Variants in VRTN observed in about 807,000 individuals in gnomAD.
The protein encoded by VRTN is vertnin.
VRTN carries 5 observed loss-of-function variants against 18.2 expected under a neutral mutation model. That is an observed-to-expected ratio of 0.27 (90% CI 0.14 to 0.58). The LOEUF is 0.58. VRTN is among the 20% of genes least tolerant of loss of function. The pLI, the probability that VRTN is intolerant of heterozygous loss-of-function variation, is 0.91. For missense variants in VRTN, 741 were observed against 939.4 expected (o/e 0.79, Z 2.76); for synonymous variants, 381 against 393.7 (o/e 0.97, Z 0.38).
At position 74,359,085 on chromosome 14, in the gene VRTN, C is replaced by T. The variant is rs1271014317; in HGVS notation, c.*193C>T. The T allele has an allele frequency of 1.2e-5, 13 of 1,092,544 alleles. 1 individual carries two copies. Among genetic ancestry groups the T allele is most frequent in the Middle Eastern group, 3.3e-4 (1 of 3,056 alleles). The allele number at this position is 1,092,544 out of a possible 1,614,324, so 67.7% of individuals were successfully genotyped here. On this transcript the variant is annotated 3_prime_UTR_variant, in exon 2 of 2. Coordinates refer to ENST00000256362, the MANE Select transcript of VRTN (RefSeq NM_018228.3). ...GCCAGAAATCAGCCATCTGGTCTCC[C>T]GTAGGAAACTGTGGGACCAGAGATA...
At chr14:74,332,445 C>T (rs1397199444) in intron 1 of VRTN, among the ~76,000 whole-genome samples, 1 of 143,642 alleles carries the variant, frequency 7.0e-6, no homozygotes, top group Non-Finnish European at 1.5e-5. Context: ...ACTTCCGCCT[C>T]CCGGGTTCAA....
intron 1 of VRTN, among the ~76,000 whole-genome samples, chr14:74,349,168 C>G (rs1198917242): frequency 6.6e-6 from 1 of 152,216 alleles, no homozygotes; most frequent in East Asian, 1.9e-4. Flanking sequence ...AGGCCCACCC[C>G]TGTGACCCAA....
At chr14:74,346,242 C>T (rs1595173183), upstream of VRTN, among the ~76,000 whole-genome samples, 1 of 152,054 alleles carries the variant, frequency 6.6e-6, no homozygotes, top group Non-Finnish European at 1.5e-5. Context: ...TTTGAGGCTG[C>T]AGTGAGCTAT....
At chr14:74,306,163 T>TAAAAATATAC in intron 1 of VRTN, 2 of 69,038 alleles carry the variant, frequency 2.9e-5, no homozygotes, top group African/African-American at 1.5e-4. Context: ...TATATATATA[T>TAAAAATATAC]ATATATATAT....
intron 1 of VRTN, among the ~76,000 whole-genome samples, chr14:74,327,947 C>G (rs1021987034): frequency 6.6e-6 from 1 of 152,110 alleles, no homozygotes; most frequent in Non-Finnish European, 1.5e-5. Context: ...TCGCGAACCC[C>G]TGAGGTCAGA....
chr14:74,322,460 C>A (rs1483868096), intron 1 of VRTN, among the ~76,000 whole-genome samples: 2 of 152,202 alleles, frequency 1.3e-5, no homozygotes, highest in Middle Eastern at 3.4e-3. Context: ...TATTTAAATT[C>A]ATTTCTTATT....
At chr14:74,349,759 C>A (rs1419319640) in intron 1 of VRTN, among the ~76,000 whole-genome samples, 2 of 152,154 alleles carry the variant, frequency 1.3e-5, no homozygotes, top group Non-Finnish European at 2.9e-5. Context: ...AGCGGGGAGG[C>A]TGACCTTGGT....
At position 74,355,741 on chromosome 14, in the gene VRTN, A is replaced by G. The variant is rs192588588; in HGVS notation, c.-1-1042A>G. Among the ~76,000 whole-genome samples the G allele has an allele frequency of 1.3e-4, 20 of 150,950 alleles. No homozygotes were observed. The East Asian group carries it at 2.7e-3, about 21-fold the overall frequency. On this transcript the variant is annotated intron_variant, in intron 1 of 1. Coordinates refer to ENST00000256362, the MANE Select transcript of VRTN (RefSeq NM_018228.3). ...TTTTTAGTAGCAATGGGGTTTCACT[A>G]TGTTGGCCAGGCTGGCCTCAAACTC... is the stretch of plus-strand genomic sequence containing the variant.
chr14:74,336,865 C>T (rs898006747), intron 1 of VRTN, among the ~76,000 whole-genome samples: 1 of 152,040 alleles, frequency 6.6e-6, no homozygotes, highest in Non-Finnish European at 1.5e-5. Flanking sequence ...CTCTTTTTCT[C>T]CTCTTTTCTT....
chr14:74,342,921 G>A (rs566378836), intron 2 of VRTN, among the ~76,000 whole-genome samples: 3 of 151,660 alleles, frequency 2.0e-5, no homozygotes, highest in Non-Finnish European at 4.4e-5. Flanking sequence ...CAGTCTAAAA[G>A]GCTCTTACAT....
At chr14:74,313,494 C>T in intron 1 of VRTN, among the ~76,000 whole-genome samples, 1 of 152,178 alleles carries the variant, frequency 6.6e-6, no homozygotes, top group East Asian at 1.9e-4. Context: ...AAAATGTCTG[C>T]AGTGTAGCTG....
chr14:74,319,828 G>C (rs1234156059), intron 1 of VRTN, among the ~76,000 whole-genome samples: 2 of 152,208 alleles, frequency 1.3e-5, no homozygotes, highest in Non-Finnish European at 2.9e-5. Flanking sequence ...TCAGAGGACT[G>C]TGCCTTTTGG....
intron 1 of VRTN, among the ~76,000 whole-genome samples, chr14:74,354,948 C>T (rs1595176235): frequency 6.6e-6 from 1 of 151,830 alleles, no homozygotes; most frequent in East Asian, 1.9e-4. Context: ...TTGAGACCAG[C>T]CTGGCCAACA....
At position 74,358,926 on chromosome 14, in the gene VRTN, G is replaced by A. The variant is rs1468751700; in HGVS notation, c.*34G>A. ...TACAAAAGGGGCTGGGAAGAAGGGGGACCAGTTTGGAGAGGGTCAGGGACC... is the reference window on the plus strand; with the variant it reads ...TACAAAAGGGGCTGGGAAGAAGGGGAACCAGTTTGGAGAGGGTCAGGGACC... On this transcript the variant is annotated 3_prime_UTR_variant, in exon 2 of 2. Coordinates refer to ENST00000256362, the MANE Select transcript of VRTN (RefSeq NM_018228.3). This position sits in a 1 kb window ranked among gnomAD's most constrained non-coding sequence, Gnocchi z 5.4. 10 of 1,575,864 alleles carry A rather than the reference G, an allele frequency of 6.3e-6. No homozygotes were observed. The highest frequency in any genetic ancestry group is 8.6e-6 in the Non-Finnish European group (10 of 1,160,446).
chr14:74,357,227 G>GC lies in VRTN; in HGVS notation c.450dup (p.Ala151ArgfsTer99). ...AGGAGTCCCCTGAGATGACCAGCTT[G>GC]CCCCCCGCCACGCTGGAGGCCATCT... is the stretch of plus-strand genomic sequence containing the variant. On this transcript the variant is annotated frameshift_variant, in exon 2 of 2. Coordinates refer to ENST00000256362, the MANE Select transcript of VRTN (RefSeq NM_018228.3). LOFTEE classifies it high-confidence loss of function. This position sits in a 1 kb window ranked among gnomAD's most constrained non-coding sequence, Gnocchi z 7.8. 1 of 1,612,832 alleles carries GC rather than the reference G, an allele frequency of 6.2e-7. No homozygotes were observed. The highest frequency in any genetic ancestry group is 8.5e-7 in the Non-Finnish European group (1 of 1,179,820).
At chr14:74,341,865 T>A (rs1261296738) in intron 2 of VRTN, among the ~76,000 whole-genome samples, 3 of 152,190 alleles carry the variant, frequency 2.0e-5, no homozygotes, top group African/African-American at 7.2e-5. Context: ...CCTCTGCTTC[T>A]GAAATCTGAA....
At chr14:74,353,408 A>G (rs2140212783) in intron 1 of VRTN, among the ~76,000 whole-genome samples, 1 of 152,306 alleles carries the variant, frequency 6.6e-6, no homozygotes, top group South Asian at 2.1e-4. Context: ...GGTAGTACTT[A>G]AAGTATTAGT....
At position 74,307,602 on chromosome 14, in the gene VRTN, A is replaced by G. The variant is rs137876502; in HGVS notation, c.-164+4426A>G. Among the ~76,000 whole-genome samples, 412 of 152,374 alleles carry G rather than the reference A, an allele frequency of 2.7e-3. 1 individual carries two copies. The highest frequency in any genetic ancestry group is 9.3e-3 in the African/African-American group (387 of 41,594). ...CTTGATGTAAAATGTGATCTCAACT[A>G]TGAAAATATATATAGATGTAAATAT... On this transcript the variant is annotated intron_variant, in intron 1 of 2. Transcript: ENST00000557177.
At chr14:74,343,964 T>A (rs2085625040), upstream of VRTN, among the ~76,000 whole-genome samples, 1 of 151,390 alleles carries the variant, frequency 6.6e-6, no homozygotes, top group Admixed American at 6.6e-5. Context: ...CCCGGCTTAT[T>A]TTTTTGTATT....
Sources: gnomAD v4.1 joint callset for allele counts (sites outside exome capture counted in the v4.1 genomes callset) on GRCh38, gnomAD v4.1.1 for gene constraint, Gnocchi (gnomAD v3.1) non-coding constraint, MANE v1.5 for transcripts, NCBI Gene and HGNC (gene_info 2026-07-23, HGNC 2026-07-21) for gene names.